MYO1H: variants seen among roughly 807,000 people sequenced by gnomAD.
The protein encoded by MYO1H is myosin IH.
In MYO1H, 118 loss-of-function variants were observed where a neutral mutation model predicts 149.3. That is an observed-to-expected ratio of 0.79 (90% CI 0.68 to 0.92). MYO1H has a LOEUF of 0.92. MYO1H is among the 40% of genes least tolerant of loss of function. The pLI, the probability that MYO1H is intolerant of heterozygous loss-of-function variation, is 0.00. For synonymous variants in MYO1H, 447 were observed against 465.2 expected (o/e 0.96, Z 0.50); for missense variants, 1,212 against 1,280.7 (o/e 0.95, Z 0.82).
At chr12:109,440,923 C>T (rs967489638) in intron 25 of MYO1H, 96 bp downstream of exon 25, 13 of 901,490 alleles carry the variant, frequency 1.4e-5, no homozygotes, top group African/African-American at 9.9e-5. Flanking sequence ...CACCTATAAG[C>T]GGGGGTCATG....
At chr12:109,314,862 G>T in the MYO1H span, among the ~76,000 whole-genome samples, 1 of 152,170 alleles carries the variant, frequency 6.6e-6, no homozygotes, top group Admixed American at 6.5e-5. Context: ...CACTTTGGGA[G>T]ACTGAGGTCA....
chr12:109,347,477 C>T (rs745410536), upstream of MYO1H, among the ~76,000 whole-genome samples: 5 of 152,260 alleles, frequency 3.3e-5, no homozygotes, highest in South Asian at 8.3e-4. Flanking sequence ...AACTTGATTC[C>T]ATGAAATTTA....
intron 14 of MYO1H, among the ~76,000 whole-genome samples, chr12:109,412,784 GGTTTT>G (rs1213559932): frequency 1.3e-5 from 2 of 151,298 alleles, no homozygotes; most frequent in Non-Finnish European, 3.0e-5. Flanking sequence ...TTTGTTTTTT[GGTTTT>G]GTTTTGTTTT....
intron 2 of MYO1H, among the ~76,000 whole-genome samples, chr12:109,390,751 C>T (rs558645880): frequency 4.4e-4 from 67 of 151,632 alleles, no homozygotes; most frequent in African/African-American, 1.2e-3. Context: ...CTGCAACCTC[C>T]GCCACCCGGG....
chr12:109,417,044 G>A (rs758233511), intron 15 of MYO1H, among the ~76,000 whole-genome samples: 7 of 151,592 alleles, frequency 4.6e-5, no homozygotes, highest in Non-Finnish European at 8.8e-5. Context: ...GGTGGTGATC[G>A]CCTGTAGTCC....
the MYO1H span, among the ~76,000 whole-genome samples, chr12:109,315,055 T>C: frequency 6.6e-6 from 1 of 152,200 alleles, no homozygotes; most frequent in Non-Finnish European, 1.5e-5. Context: ...TGAGCCATGA[T>C]CGTGCCACTG....
upstream of MYO1H, among the ~76,000 whole-genome samples, chr12:109,346,221 G>A (rs1305180606): frequency 6.6e-6 from 1 of 152,066 alleles, no homozygotes; most frequent in Admixed American, 6.5e-5. Context: ...ATTCTACTAG[G>A]TATTATAAGT....
At chr12:109,406,731 AT>A in intron 8 of MYO1H, 57 bp from the exon 9 acceptor site, 8 of 1,536,908 alleles carry the variant, frequency 5.2e-6, no homozygotes, top group Non-Finnish European at 7.2e-6. Context: ...TAAAAAAATA[AT>A]AAAAAGCAAG....
At chr12:109,417,785 C>A (rs1230524446) in intron 15 of MYO1H, among the ~76,000 whole-genome samples, 35 of 151,900 alleles carry the variant, frequency 2.3e-4, no homozygotes, top group Non-Finnish European at 2.9e-5. Context: ...GATCTTTTGC[C>A]CATGTTTTAA....
chr12:109,319,355 T>C, the MYO1H span, among the ~76,000 whole-genome samples: 1 of 152,172 alleles, frequency 6.6e-6, no homozygotes, highest in Non-Finnish European at 1.5e-5. Flanking sequence ...ATTCTACTTA[T>C]ATGAGATACA....
chr12:109,446,776 T>C (rs986159963), intron 31 of MYO1H, among the ~76,000 whole-genome samples: 10 of 152,184 alleles, frequency 6.6e-5, no homozygotes, highest in Non-Finnish European at 1.2e-4. Context: ...AAAAATAAAA[T>C]CATTTTGTAG....
intron 18 of MYO1H, 74 bp downstream of exon 18, chr12:109,426,125 G>A (rs1360149392): frequency 9.8e-7 from 1 of 1,017,990 alleles, no homozygotes; most frequent in Non-Finnish European, 1.5e-6. Flanking sequence ...CAGTGGGTTG[G>A]GATCCTAAAC....
intron 6 of MYO1H, 194 bp downstream of exon 6, chr12:109,401,466 TA>T: frequency 1.8e-6 from 1 of 552,692 alleles, no homozygotes; most frequent in Admixed American, 3.4e-5. Context: ...ATCACCTTGG[TA>T]AAGTAACCAA....
chr12:109,322,819 CAAAAA>C, the MYO1H span, among the ~76,000 whole-genome samples: 2 of 77,100 alleles, frequency 2.6e-5, no homozygotes, highest in African/African-American at 9.8e-5. Flanking sequence ...GACTCCGTCT[CAAAAA>C]AAAAAAAAAA....
At chr12:109,348,711 T>A (rs1393127882) in intron 1 of MYO1H, among the ~76,000 whole-genome samples, 1 of 152,190 alleles carries the variant, frequency 6.6e-6, no homozygotes, top group Non-Finnish European at 1.5e-5. Context: ...CATAAAGACT[T>A]CCAAGGACAG....
chr12:109,421,592 C>T lies in MYO1H; in HGVS notation c.1644+565C>T, dbSNP rs1207943053. Among the ~76,000 whole-genome samples the T allele has an allele frequency of 2.6e-5, 4 of 151,948 alleles. No individual in the cohort carries two copies. The South Asian group carries it at 6.2e-4, about 24-fold the overall frequency. On this transcript the variant is annotated intron_variant, in intron 16 of 31. Transcript: ENST00000310903. Reference sequence around the variant, plus strand: ...CAATGTTAGGAGAGGGGGCTGAGAGCTTAGCAGGGGCAGGTCCACAGGGGA... The same window carrying T: ...CAATGTTAGGAGAGGGGGCTGAGAGTTTAGCAGGGGCAGGTCCACAGGGGA...
chr12:109,321,066 C>T, the MYO1H span, among the ~76,000 whole-genome samples: 97 of 151,864 alleles, frequency 6.4e-4, no homozygotes, highest in African/African-American at 2.1e-3. Context: ...CCAGCCTGGG[C>T]GACAGAGCAA....
the MYO1H span, among the ~76,000 whole-genome samples, chr12:109,326,797 G>A: frequency 6.6e-6 from 1 of 152,090 alleles, no homozygotes; most frequent in Non-Finnish European, 1.5e-5. Flanking sequence ...GGGATTACAG[G>A]CATGTGCCAC....
chr12:109,349,492 C>CT (rs1404859355), intron 1 of MYO1H, among the ~76,000 whole-genome samples: 4 of 109,210 alleles, frequency 3.7e-5, no homozygotes, highest in Admixed American at 2.0e-4. Flanking sequence ...GTGTGACCCC[C>CT]CCACCAAAAA....
Sources: gnomAD v4.1 joint callset for allele counts (sites outside exome capture counted in the v4.1 genomes callset) on GRCh38, gnomAD v4.1.1 for gene constraint, MANE v1.5 for transcripts, NCBI Gene and HGNC (gene_info 2026-07-23, HGNC 2026-07-21) for gene names.